Variants in LMOD1 observed in about 807,000 individuals in gnomAD.
LMOD1 encodes leiomodin 1.
A neutral mutation model predicts 36.5 loss-of-function variants in LMOD1; 8 were observed. That is an observed-to-expected ratio of 0.22 (90% confidence interval 0.13 to 0.40). The LOEUF (loss-of-function observed/expected upper bound fraction) is 0.40, where lower values mean the gene tolerates loss of function less well. Ranked by LOEUF, LMOD1 falls within the 10% of genes least tolerant of loss-of-function variation. The probability of loss-of-function intolerance (pLI) is 1.00; values close to 1 mark genes in which losing one functional copy is unlikely to be tolerated. For synonymous variants in LMOD1, 284 were observed against 288.7 expected (o/e 0.98, Z 0.17); for missense variants, 630 against 751.1 (o/e 0.84, Z 1.88).
chr1:201,941,250 C>A (rs941042500), intron 1 of LMOD1, among the ~76,000 whole-genome samples: 1 of 152,094 alleles, frequency 6.6e-6, no homozygotes, highest in African/African-American at 2.4e-5. Context: ...AGCCATCACA[C>A]CTGCCCTCAA....
chr1:201,928,798 C>T (rs1681870582), intron 1 of LMOD1, among the ~76,000 whole-genome samples: 1 of 152,086 alleles, frequency 6.6e-6, no homozygotes, highest in Non-Finnish European at 1.5e-5. Flanking sequence ...TCACTGCTAC[C>T]TCTGCCTCCC....
Position 201,929,164 on chromosome 1 carries a change from G to A in LMOD1, c.261+16916C>T, listed in dbSNP as rs180876183. Among the ~76,000 whole-genome samples, 208 of 151,890 alleles carry A rather than the reference G, an allele frequency of 1.4e-3. 3 individuals carry two copies. The highest frequency in any genetic ancestry group is 4.4e-3 in the African/African-American group (184 of 41,410). On this transcript the variant is annotated intron_variant, in intron 1 of 2. Transcript: ENST00000367288. ...GTTGCCCATGCTGGAGTGCAGTGGC[G>A]TGATCTTGGCTCACTGCAACCTCTG...
At chr1:201,910,944 T>C (rs1681487351) in intron 1 of LMOD1, among the ~76,000 whole-genome samples, 1 of 151,694 alleles carries the variant, frequency 6.6e-6, no homozygotes, top group Non-Finnish European at 1.5e-5. Context: ...ACTATATCAG[T>C]AGTAAGTGGG....
intron 1 of LMOD1, among the ~76,000 whole-genome samples, chr1:201,918,064 T>C (rs745664681): frequency 6.6e-6 from 1 of 152,258 alleles, no homozygotes; most frequent in Non-Finnish European, 1.5e-5. Context: ...CATTTTGCGC[T>C]AAGCCCTGCA....
chr1:201,912,497 G>A (rs1681510123), intron 1 of LMOD1, among the ~76,000 whole-genome samples: 2 of 152,030 alleles, frequency 1.3e-5, no homozygotes, highest in South Asian at 4.1e-4. Flanking sequence ...TTACTGACTC[G>A]ATGCCTGGCA....
chr1:201,923,872 GA>G (rs1345190744), intron 1 of LMOD1, among the ~76,000 whole-genome samples: 1 of 119,094 alleles, frequency 8.4e-6, no homozygotes, highest in Non-Finnish European at 1.7e-5. Flanking sequence ...GTCTCAACAA[GA>G]AAGAAGAAAA....
Position 201,936,735 on chromosome 1 carries a change from G to C in LMOD1, c.261+9345C>G, listed in dbSNP as rs144893814. 3.3e-3 allele frequency among the ~76,000 whole-genome samples: 506 copies of C among 152,126 alleles called. 2 individuals carry two copies. Among genetic ancestry groups the C allele is most frequent in the African/African-American group, 0.011 (471 of 41,488 alleles). On this transcript the variant is annotated intron_variant, in intron 1 of 2. Coordinates refer to ENST00000367288, the MANE Select transcript of LMOD1 (RefSeq NM_012134.3). ...GTGGATCACTCAAAGTCAGGAGTTCGAGACCAGCCTGGCCAACATGGTGAA... is the reference window on the plus strand; with the variant it reads ...GTGGATCACTCAAAGTCAGGAGTTCCAGACCAGCCTGGCCAACATGGTGAA...
In LMOD1 at chr1:201,934,629, G is replaced by A. The variant is rs141930432; in HGVS notation, c.261+11451C>T. 3.4e-3 allele frequency among the ~76,000 whole-genome samples: 514 copies of A among 152,234 alleles called. 2 individuals carry two copies. The highest frequency in any genetic ancestry group is 0.011 in the African/African-American group (470 of 41,536). On this transcript the variant is annotated intron_variant, in intron 1 of 2. Coordinates refer to ENST00000367288, the MANE Select transcript of LMOD1 (RefSeq NM_012134.3). ...CATTAGAACAAAACTGAGGAAAAAC[G>A]AGACTTATCTAGATGCTCCATCTCC... is the stretch of plus-strand genomic sequence containing the variant.
chr1:201,930,061 T>C (rs573917251), intron 1 of LMOD1, among the ~76,000 whole-genome samples: 2 of 152,274 alleles, frequency 1.3e-5, no homozygotes, highest in Admixed American at 1.3e-4. Flanking sequence ...GGAAGCAAGA[T>C]AAAGCCTGGC....
intron 1 of LMOD1, among the ~76,000 whole-genome samples, chr1:201,908,035 A>G (rs142116312): frequency 2.0e-5 from 3 of 152,194 alleles, no homozygotes; most frequent in Non-Finnish European, 4.4e-5. Context: ...TTCAGCCAAC[A>G]GCATTCCTTC....
At chr1:201,915,461 C>T (rs1681589936) in intron 1 of LMOD1, among the ~76,000 whole-genome samples, 1 of 152,088 alleles carries the variant, frequency 6.6e-6, no homozygotes, top group Non-Finnish European at 1.5e-5. Context: ...AAAAACTGGA[C>T]TCCTTATCTT....
At chr1:201,941,047 A>ATT (rs1168181425) in intron 1 of LMOD1, among the ~76,000 whole-genome samples, 4 of 141,218 alleles carry the variant, frequency 2.8e-5, no homozygotes, top group African/African-American at 1.0e-4. Context: ...GTGCCTGGCC[A>ATT]TTTTTTTTTT....
intron 1 of LMOD1, among the ~76,000 whole-genome samples, chr1:201,931,244 G>A (rs942497499): frequency 6.6e-6 from 1 of 152,172 alleles, no homozygotes; most frequent in East Asian, 1.9e-4. Flanking sequence ...GGATAAAAGA[G>A]AAACGGAAGG....
intron 1 of LMOD1, among the ~76,000 whole-genome samples, chr1:201,924,441 C>G (rs71524465): frequency 0.025 from 325 of 12,938 alleles, 16 homozygotes; most frequent in Middle Eastern, 0.11. Context: ...AGGAAGGAAG[C>G]AAGGAAGGAG....
At chr1:201,932,207 A>G (rs1681935473) in intron 1 of LMOD1, among the ~76,000 whole-genome samples, 1 of 152,214 alleles carries the variant, frequency 6.6e-6, no homozygotes, top group South Asian at 2.1e-4. Context: ...AATTACAAGT[A>G]AAGCCTGAAA....
intron 1 of LMOD1, among the ~76,000 whole-genome samples, chr1:201,938,853 T>C (rs2819366): frequency 0.52 from 78,721 of 151,988 alleles, 20,825 homozygotes; most frequent in Non-Finnish European, 0.58. Context: ...TGAAGCCAAG[T>C]TCTCCCAAAG....
At chr1:201,901,984 TG>T (rs1681338839) in intron 1 of LMOD1, among the ~76,000 whole-genome samples, 1 of 148,294 alleles carries the variant, frequency 6.7e-6, no homozygotes, top group South Asian at 2.1e-4. Flanking sequence ...TTTTTAGAGA[TG>T]GGGGTCTTGT....
rs1681246060 is a variant in LMOD1, at chr1:201,899,241, T to C, written c.1772A>G (p.Lys591Arg). Residue 591 changes from lysine (K) to arginine (R), a missense_variant, in exon 2 of 3, where the codon AAG becomes AGG. By Grantham distance (26) the Lys-to-Arg change is conservative (BLOSUM62 2). Transcript: ENST00000367288. This position sits in a 1 kb window ranked among gnomAD's most constrained non-coding sequence, Gnocchi z 6.3. The part of the protein sequence containing the change: ...AIRSSNLKQL[K>R]KVEVPKLLQ The stretch of plus-strand genomic sequence containing the variant: ...CTCATGCCCACAACTACTTAACTTC[T>C]TGAGCTGCTTGAGGTTGCTGGAGCG... 3.2e-6 allele frequency: 5 copies of C among 1,585,090 alleles called. No homozygotes were observed. The East Asian group carries it at 1.1e-4, about 36-fold the overall frequency.
intron 1 of LMOD1, among the ~76,000 whole-genome samples, chr1:201,922,824 A>G (rs1681728937): frequency 6.6e-6 from 1 of 151,730 alleles, no homozygotes; most frequent in African/African-American, 2.4e-5. Context: ...GGTATTTTAA[A>G]GGAGTGAATT....
Sources: gnomAD v4.1 joint callset for allele counts (sites outside exome capture counted in the v4.1 genomes callset) on GRCh38, gnomAD v4.1.1 for gene constraint, Gnocchi (gnomAD v3.1) non-coding constraint, MANE v1.5 for transcripts, NCBI Gene and HGNC (gene_info 2026-07-23, HGNC 2026-07-21) for gene names.